The following MFHAS1 variants were observed in gnomAD, a reference collection of about 807,000 sequenced individuals.
MFHAS1 encodes the protein malignant fibrous histiocytoma-amplified sequence 1.
In MFHAS1, 50 loss-of-function variants were observed where a neutral mutation model predicts 70.4. The ratio of observed to expected loss-of-function variants is 0.71; its 90% CI spans 0.57 to 0.90. The LOEUF (loss-of-function observed/expected upper bound fraction) is 0.90. Ranked by LOEUF, MFHAS1 falls within the 40% of genes least tolerant of loss-of-function variation. MFHAS1 has a pLI of 0.00. For synonymous variants in MFHAS1, 952 were observed against 620.0 expected, an observed-to-expected ratio of 1.54 and a Z score of -7.96; for missense variants, 1,795 against 1,347.6, an observed-to-expected ratio of 1.33 and a Z score of -5.20.
At chr8:8,818,431 G>A (rs1291657350) in intron 1 of MFHAS1, among the ~76,000 whole-genome samples, 7 of 152,140 alleles carry the variant, frequency 4.6e-5, no homozygotes, top group Admixed American at 6.6e-5. Context: ...ATTTTTCTAC[G>A]AGGAAGAGAA....
chr8:8,793,265 AG>A (rs1181212525), intron 2 of MFHAS1, among the ~76,000 whole-genome samples: 2 of 152,256 alleles, frequency 1.3e-5, no homozygotes, highest in African/African-American at 4.8e-5. Context: ...AATAAGAAAT[AG>A]AAAAGCTTGG....
chr8:8,802,743 C>T (rs1327533275), intron 1 of MFHAS1, among the ~76,000 whole-genome samples: 1 of 152,172 alleles, frequency 6.6e-6, no homozygotes, highest in Non-Finnish European at 1.5e-5. Context: ...TGGGTGCCAA[C>T]AAATTCCCTG....
intron 2 of MFHAS1, among the ~76,000 whole-genome samples, chr8:8,795,653 A>C (rs1229298070): frequency 6.6e-6 from 1 of 152,236 alleles, no homozygotes; most frequent in African/African-American, 2.4e-5. Context: ...AGTGCCCTCT[A>C]CTTCTACTGC....
chr8:8,889,258 G>A (rs1172496307), intron 1 of MFHAS1, among the ~76,000 whole-genome samples: 1 of 152,088 alleles, frequency 6.6e-6, no homozygotes, highest in Non-Finnish European at 1.5e-5. Context: ...ACTCGAAACT[G>A]CCAGGAAATT....
At chr8:8,807,997 A>G (rs539439150) in intron 1 of MFHAS1, among the ~76,000 whole-genome samples, 106 of 152,400 alleles carry the variant, frequency 7.0e-4, no homozygotes, top group Non-Finnish European at 2.6e-4. Context: ...GAAAAACTCC[A>G]GAAATAAACA....
intron 1 of MFHAS1, among the ~76,000 whole-genome samples, chr8:8,809,724 G>C (rs1016013524): frequency 6.6e-6 from 1 of 152,124 alleles, no homozygotes. Flanking sequence ...GAGGGGGAGG[G>C]GGAGGAGCAG....
chr8:8,839,921 A>G (rs966868712), intron 1 of MFHAS1, among the ~76,000 whole-genome samples: 4 of 152,182 alleles, frequency 2.6e-5, no homozygotes, highest in African/African-American at 9.7e-5. Context: ...ATAGCAAGTC[A>G]AGATAAACAC....
At chr8:8,824,521 T>TCACACACACACA (rs57194505) in intron 1 of MFHAS1, among the ~76,000 whole-genome samples, 10 of 146,022 alleles carry the variant, frequency 6.8e-5, no homozygotes, top group East Asian at 4.0e-4. Flanking sequence ...TCTCTCTCTT[T>TCACACACACACA]CACACACACA....
rs1417162245 is a variant in MFHAS1 at position 8,891,356 on chromosome 8, C to G, written c.1703G>C (p.Gly568Ala). The G allele has an allele frequency of 6.2e-7, 1 of 1,611,100 alleles. No individual in the cohort carries two copies. The highest frequency in any genetic ancestry group is 8.5e-7 in the Non-Finnish European group (1 of 1,180,014). Residue 568 changes from glycine to alanine, a missense_variant, in exon 1 of 3, where the codon GGA becomes GCA. Gly to Ala is a moderately conservative substitution (Grantham distance 60). Transcript: ENST00000276282. This position sits in a 1 kb window ranked among gnomAD's most constrained non-coding sequence, Gnocchi z 5.4. ...CACCACCTTGGCCAAGCGGCTCAGT[C>G]CCTCCGCGTCGTGCTTCTCCTGCAG... ...IALQEKHDAE[G>A]LSRLAKVVDE...
intron 1 of MFHAS1, among the ~76,000 whole-genome samples, chr8:8,867,360 TAAAATA>T (rs1332712048): frequency 6.6e-6 from 1 of 152,078 alleles, no homozygotes. Context: ...ATACCAAAAA[TAAAATA>T]AAACATTCCT....
chr8:8,797,585 G>A (rs1472392769), intron 1 of MFHAS1, 94 bp from the exon 2 acceptor site: 2 of 1,380,820 alleles, frequency 1.4e-6, no homozygotes, highest in Non-Finnish European at 2.0e-6. Context: ...GGGGGCAGGG[G>A]GAGAAGGGCA....
intron 1 of MFHAS1, among the ~76,000 whole-genome samples, chr8:8,816,983 G>C (rs193146927): frequency 1.7e-3 from 256 of 152,252 alleles, no homozygotes; most frequent in African/African-American, 5.8e-3. Context: ...AAGGTTCAGA[G>C]AACTGTAACT....
At chr8:8,855,692 C>A (rs1808412475) in intron 1 of MFHAS1, among the ~76,000 whole-genome samples, 1 of 152,028 alleles carries the variant, frequency 6.6e-6, no homozygotes, top group South Asian at 2.1e-4. Context: ...CTACTCTCTA[C>A]TAAAAATACA....
intron 1 of MFHAS1, among the ~76,000 whole-genome samples, chr8:8,806,563 T>C (rs934165890): frequency 5.9e-5 from 9 of 152,220 alleles, no homozygotes; most frequent in Non-Finnish European, 2.9e-5. Context: ...CTCAGCATCT[T>C]CATCAGTCCC....
At chr8:8,830,222 A>G (rs1229209807) in intron 1 of MFHAS1, among the ~76,000 whole-genome samples, 1 of 152,178 alleles carries the variant, frequency 6.6e-6, no homozygotes, top group Non-Finnish European at 1.5e-5. Context: ...GTCAGGAAAC[A>G]CCAAGCAAAA....
chr8:8,886,061 A>T (rs1809740807), intron 1 of MFHAS1, among the ~76,000 whole-genome samples: 1 of 152,258 alleles, frequency 6.6e-6, no homozygotes, highest in African/African-American at 2.4e-5. Flanking sequence ...TGTCTTAAAA[A>T]GATAATCACG....
intron 1 of MFHAS1, among the ~76,000 whole-genome samples, chr8:8,857,626 G>A (rs1808492783): frequency 6.6e-6 from 1 of 151,600 alleles, no homozygotes; most frequent in Non-Finnish European, 1.5e-5. Context: ...CAGGCATGGT[G>A]GCGGGTGCCT....
intron 1 of MFHAS1, among the ~76,000 whole-genome samples, chr8:8,879,657 A>T (rs1327221956): frequency 1.3e-5 from 2 of 152,188 alleles, no homozygotes; most frequent in Non-Finnish European, 2.9e-5. Context: ...CCCCCAAAGT[A>T]ACATTCAAAT....
chr8:8,873,761 G>A (rs1301725812), intron 1 of MFHAS1, among the ~76,000 whole-genome samples: 2 of 152,154 alleles, frequency 1.3e-5, no homozygotes, highest in South Asian at 2.1e-4. Flanking sequence ...AGATGGGACA[G>A]AAAGGCAGAT....
Sources: allele counts gnomAD v4.1 joint callset (sites outside exome capture counted in the v4.1 genomes callset), GRCh38; gene constraint gnomAD v4.1.1; non-coding constraint Gnocchi (gnomAD v3.1); transcripts MANE v1.5; gene names NCBI Gene and HGNC (gene_info 2026-07-23, HGNC 2026-07-21).